The following KCNQ2 variants were observed in gnomAD, a reference collection of about 807,000 sequenced individuals.
KCNQ2 encodes the protein potassium voltage-gated channel subfamily Q member 2, also known as potassium voltage-gated channel subfamily KQT member 2.
Under a neutral mutation model 84.8 loss-of-function variants are expected in KCNQ2, and 14 were observed. That is an observed-to-expected ratio of 0.17 (90% CI 0.11 to 0.26). The LOEUF (loss-of-function observed/expected upper bound fraction) is 0.26. Among genes scored for constraint, KCNQ2 ranks in the 10% least tolerant of loss-of-function variants. The probability of loss-of-function intolerance (pLI) is 1.00; values close to 1 mark genes in which losing one functional copy is unlikely to be tolerated. For missense variants in KCNQ2, 788 were observed against 1,254.0 expected, an observed-to-expected ratio of 0.63 and a Z score of 5.61; for synonymous variants, 599 against 554.1, an observed-to-expected ratio of 1.08 and a Z score of -1.14.
chr20:63,442,632 TCAC>T (rs1167918391), intron 4 of KCNQ2, 101 bp from the exon 5 acceptor site: 14 of 1,183,392 alleles, frequency 1.2e-5, no homozygotes, highest in Middle Eastern at 2.2e-4. Flanking sequence ...ATGACCACCA[TCAC>T]CACCACCAAA....
At chr20:63,463,090 CAT>C (rs1231415812) in intron 1 of KCNQ2, among the ~76,000 whole-genome samples, 4 of 148,988 alleles carry the variant, frequency 2.7e-5, no homozygotes, top group Non-Finnish European at 3.0e-5. Flanking sequence ...TGTGTGTGCA[CAT>C]GTCATGTGAA....
chr20:63,413,142 G>T, intron 15 of KCNQ2: 1 of 431,888 alleles, frequency 2.3e-6, no homozygotes, highest in Middle Eastern at 5.0e-4. Flanking sequence ...ATACACCTGT[G>T]CAGAAGCATA....
At chr20:63,431,214 G>T in intron 9 of KCNQ2, 126 bp downstream of exon 9, 1 of 1,098,958 alleles carries the variant, frequency 9.1e-7, no homozygotes, top group Non-Finnish European at 1.4e-6. Flanking sequence ...TGCTCGGTGG[G>T]CAGGGACAGT....
At position 63,460,984 on chromosome 20, in the gene KCNQ2, A is replaced by G. The variant is rs2081932498; in HGVS notation, c.296+11184T>C. The G allele has an allele frequency of 1.3e-5, 2 of 152,298 alleles. No individual in the cohort carries two copies. Among genetic ancestry groups the G allele is most frequent in the South Asian group, 2.1e-4 (1 of 4,828 alleles). 9.4% of individuals were successfully genotyped at this position (152,298 alleles called of 1,614,324 possible). Reference sequence around the variant, plus strand: ...GTGTGGACAGTATGCCGTTAACACCACAGCGGGACGGGACCGCCTGAATCC... The same window carrying G: ...GTGTGGACAGTATGCCGTTAACACCGCAGCGGGACGGGACCGCCTGAATCC... On this transcript the variant is annotated intron_variant, in intron 1 of 16. Coordinates refer to ENST00000359125, the MANE Select transcript of KCNQ2 (RefSeq NM_172107.4). The surrounding 1 kb of genome is among the most constrained non-coding windows in gnomAD (Gnocchi z 5.4).
intron 4 of KCNQ2, among the ~76,000 whole-genome samples, 170 bp from the exon 5 acceptor site, chr20:63,442,701 T>TCACCACCACCAACACCAC (rs1455961784): frequency 2.1e-5 from 1 of 48,070 alleles, no homozygotes; most frequent in Non-Finnish European, 4.2e-5. Flanking sequence ...ATCACCACCA[T>TCACCACCACCAACACCAC]CACCATCACC....
chr20:63,437,551 C>A (rs6062934), intron 7 of KCNQ2: 1 of 152,148 alleles, frequency 6.6e-6, no homozygotes, highest in South Asian at 2.1e-4. Flanking sequence ...CTCCAGTCTC[C>A]GCCTTTGTGG....
In KCNQ2 at chr20:63,438,798, G is replaced by T; in HGVS notation, c.928-78C>A. On this transcript the variant is annotated intron_variant, in intron 6 of 16. Transcript: ENST00000359125. The surrounding 1 kb of genome is among the most constrained non-coding windows in gnomAD (Gnocchi z 5.1). ...CATCAGGGTCAGACCATGCTCTGGG[G>T]CCCCACACCCCCCCCAATTCATCAG... The T allele has an allele frequency of 8.2e-7, 1 of 1,218,776 alleles. No individual in the cohort carries two copies. Among genetic ancestry groups the T allele is most frequent in the African/African-American group, 1.5e-5 (1 of 65,758 alleles). 75.5% of individuals were successfully genotyped at this position (1,218,776 alleles called of 1,614,324 possible). A position where few individuals can be genotyped will look rare whatever the true frequency, so the allele number is the denominator to read the frequency against.
At position 63,419,744 on chromosome 20, in the gene KCNQ2, G is replaced by A. The variant is rs12481298; in HGVS notation, c.1248-72C>T. The A allele has an allele frequency of 0.058, 78,115 of 1,358,396 alleles. 2,664 individuals are homozygous for A. The highest frequency in any genetic ancestry group is 0.12 in the Admixed American group (6,349 of 51,820). 84.1% of individuals were successfully genotyped at this position (1,358,396 alleles called of 1,614,324 possible). Reference sequence around the variant, plus strand: ...CACGGCCGGGAGCAGGGAAACTGAGGCACTGCAACCACCCAGGGTGTTGTG... The same window carrying A: ...CACGGCCGGGAGCAGGGAAACTGAGACACTGCAACCACCCAGGGTGTTGTG... On this transcript the variant is annotated intron_variant, in intron 11 of 16. Coordinates refer to ENST00000359125, the MANE Select transcript of KCNQ2 (RefSeq NM_172107.4).
At chr20:63,447,053 A>G (rs578094006) in intron 1 of KCNQ2, among the ~76,000 whole-genome samples, 1 of 146,532 alleles carries the variant, frequency 6.8e-6, no homozygotes, top group South Asian at 2.2e-4. Flanking sequence ...CCTGAACTCC[A>G]CAGTGGCAGC....
chr20:63,444,925 G>T, intron 3 of KCNQ2, 91 bp from the exon 4 acceptor site: 2 of 1,376,952 alleles, frequency 1.5e-6, no homozygotes, highest in Non-Finnish European at 2.0e-6. Flanking sequence ...AGGAGGATGT[G>T]CAGAGGGGCG....
chr20:63,445,217 A>G (rs566786071), intron 3 of KCNQ2, 21 bp downstream of exon 3: 108 of 1,613,576 alleles, frequency 6.7e-5, no homozygotes, highest in Non-Finnish European at 6.9e-5. Context: ...TTCTAGCAAT[A>G]CCACCCCCAC....
At chr20:63,444,137 G>T (rs754296491) in intron 4 of KCNQ2, among the ~76,000 whole-genome samples, 1 of 152,222 alleles carries the variant, frequency 6.6e-6, no homozygotes, top group Non-Finnish European at 1.5e-5. Context: ...GAGCCCACCC[G>T]TGAGCAAGGT....
intron 5 of KCNQ2, among the ~76,000 whole-genome samples, chr20:63,440,820 C>T (rs1184520470): frequency 7.9e-5 from 12 of 152,038 alleles, no homozygotes; most frequent in South Asian, 2.1e-4. Context: ...CCACGCGGAG[C>T]GCACAGGAGA....
chr20:63,445,651 G>A (rs2081392012), intron 2 of KCNQ2: 1 of 409,084 alleles, frequency 2.4e-6, no homozygotes, highest in South Asian at 2.4e-5. Flanking sequence ...AGGGGACCAT[G>A]TCTGAGCTGG....
At position 63,400,899 on chromosome 20, in the gene KCNQ2, C is replaced by A. The variant is rs887377252; in HGVS notation, c.*5745G>T. The A allele has an allele frequency of 5.0e-6, 2 of 398,204 alleles. No homozygotes were observed. The highest frequency in any genetic ancestry group is 4.1e-5 in the African/African-American group (2 of 48,626). The allele number at this position is 398,204 out of a possible 1,614,324, so 24.7% of individuals were successfully genotyped here. ...CAGGGTCCAGGGCGTCCGTACCTGGCACAGCCAGGGGGCATGGGGCGACCT... is the reference window on the plus strand; with the variant it reads ...CAGGGTCCAGGGCGTCCGTACCTGGAACAGCCAGGGGGCATGGGGCGACCT... On this transcript the variant is annotated 3_prime_UTR_variant, in exon 17 of 17. Coordinates refer to ENST00000359125, the MANE Select transcript of KCNQ2 (RefSeq NM_172107.4). The surrounding 1 kb of genome is among the most constrained non-coding windows in gnomAD (Gnocchi z 8.7).
intron 1 of KCNQ2, among the ~76,000 whole-genome samples, chr20:63,455,145 G>A (rs932163407): frequency 2.0e-5 from 3 of 152,160 alleles, no homozygotes; most frequent in African/African-American, 4.8e-5. Context: ...TGGGAGGACG[G>A]TGGGAGGACG....
intron 11 of KCNQ2, chr20:63,423,847 C>T (rs3787120): frequency 2.6e-5 from 11 of 421,452 alleles, no homozygotes; most frequent in South Asian, 1.3e-4. Context: ...CTGGAGGGAG[C>T]GCACTAACAG....
intron 1 of KCNQ2, among the ~76,000 whole-genome samples, chr20:63,455,269 CG>C (rs933528736): frequency 7.9e-5 from 12 of 152,182 alleles, no homozygotes; most frequent in Non-Finnish European, 1.6e-4. Flanking sequence ...CCCTGGCAGC[CG>C]TTGCCAAGGA....
rs77632744 is a variant in KCNQ2 at position 63,451,468 on chromosome 20, C to A, written c.297-4631G>T. On this transcript the variant is annotated intron_variant, in intron 1 of 16. Coordinates refer to ENST00000359125, the MANE Select transcript of KCNQ2 (RefSeq NM_172107.4). ...CATGACCCAGAAGCTCTAGGGAGAA[C>A]CTGCCTGCTTGGGGACTCCACGTAG... Among the ~76,000 whole-genome samples, 204 of 152,256 alleles carry A rather than the reference C, an allele frequency of 1.3e-3. 2 individuals carry two copies. The East Asian group carries it at 0.022, about 17-fold the overall frequency.
Sources: allele counts gnomAD v4.1 joint callset (sites outside exome capture counted in the v4.1 genomes callset), GRCh38; gene constraint gnomAD v4.1.1; non-coding constraint Gnocchi (gnomAD v3.1); transcripts MANE v1.5; gene names NCBI Gene and HGNC (gene_info 2026-07-23, HGNC 2026-07-21).